ZCWPW2: variants seen among roughly 807,000 people sequenced by gnomAD.
ZCWPW2 encodes zinc finger CW-type PWWP domain protein 2.
Under a neutral mutation model 46.6 loss-of-function variants are expected in ZCWPW2, and 45 were observed. That is an observed-to-expected ratio of 0.96 (90% CI 0.76 to 1.24). The LOEUF (loss-of-function observed/expected upper bound fraction) is 1.24, where lower values mean the gene tolerates loss of function less well. Ranked by LOEUF, ZCWPW2 falls within the 50% of genes most tolerant of loss-of-function variation. ZCWPW2 has a pLI of 0.00. For missense variants in ZCWPW2, 429 were observed against 403.9 expected (o/e 1.06, Z -0.53); for synonymous variants, 152 against 137.1 (o/e 1.11, Z -0.76).
intron 3 of ZCWPW2, among the ~76,000 whole-genome samples, chr3:28,430,231 C>A (rs965462475): frequency 6.6e-6 from 1 of 152,194 alleles, no homozygotes; most frequent in Non-Finnish European, 1.5e-5. Flanking sequence ...GCTGTGGGAG[C>A]CCACCTCTTG....
chr3:28,422,413 C>A (rs1696828938), intron 3 of ZCWPW2, among the ~76,000 whole-genome samples: 2 of 152,176 alleles, frequency 1.3e-5, no homozygotes, highest in Non-Finnish European at 2.9e-5. Context: ...GACCATTTAT[C>A]TTTCTACCGT....
At chr3:28,400,580 A>G (rs1218470855) in intron 2 of ZCWPW2, among the ~76,000 whole-genome samples, 3 of 152,230 alleles carry the variant, frequency 2.0e-5, no homozygotes, top group Non-Finnish European at 4.4e-5. Context: ...TATCAGATTG[A>G]CAGGAGATTT....
At chr3:28,392,287 A>G (rs546226408) in intron 2 of ZCWPW2, among the ~76,000 whole-genome samples, 1 of 152,338 alleles carries the variant, frequency 6.6e-6, no homozygotes. Context: ...ATATATATGC[A>G]CCCAACATCA....
At chr3:28,393,854 CG>C (rs1266933095) in intron 2 of ZCWPW2, among the ~76,000 whole-genome samples, 1 of 152,028 alleles carries the variant, frequency 6.6e-6, no homozygotes, top group African/African-American at 2.4e-5. Context: ...AAAGGTCTAA[CG>C]TTTTTCTCTA....
At chr3:28,466,633 T>C (rs1453577050) in intron 4 of ZCWPW2, among the ~76,000 whole-genome samples, 4 of 152,038 alleles carry the variant, frequency 2.6e-5, no homozygotes, top group African/African-American at 9.7e-5. Context: ...ACCCTGTCTC[T>C]ATTAAAAATA....
chr3:28,467,888 A>G (rs1698886919), intron 4 of ZCWPW2, among the ~76,000 whole-genome samples: 2 of 152,098 alleles, frequency 1.3e-5, no homozygotes, highest in South Asian at 4.1e-4. Context: ...GACTACAATA[A>G]ATACCTAACT....
intron 8 of ZCWPW2, 94 bp downstream of exon 8, chr3:28,515,715 CTG>C (rs10539082): frequency 0.18 from 120,906 of 655,024 alleles, 5,474 homozygotes; most frequent in Middle Eastern, 0.26. Flanking sequence ...AAAAGATTTC[CTG>C]TGTGTGTGTG....
intron 6 of ZCWPW2, among the ~76,000 whole-genome samples, chr3:28,508,856 T>C (rs780841837): frequency 2.6e-5 from 4 of 152,192 alleles, no homozygotes; most frequent in Non-Finnish European, 5.9e-5. Context: ...CATTCCGTTT[T>C]TTAAATTACA....
chr3:28,371,197 A>G (rs1049002907), intron 1 of ZCWPW2, among the ~76,000 whole-genome samples: 2 of 152,202 alleles, frequency 1.3e-5, no homozygotes, highest in African/African-American at 4.8e-5. Flanking sequence ...GTTGATGCTT[A>G]TTGCTTGATT....
At chr3:28,434,543 G>A (rs1211202824) in intron 3 of ZCWPW2, among the ~76,000 whole-genome samples, 1 of 152,054 alleles carries the variant, frequency 6.6e-6, no homozygotes, top group Non-Finnish European at 1.5e-5. Context: ...TGGTCACCTG[G>A]CAATGCAGCA....
intron 3 of ZCWPW2, among the ~76,000 whole-genome samples, chr3:28,425,466 A>G (rs1696968748): frequency 6.6e-6 from 1 of 152,214 alleles, no homozygotes; most frequent in Admixed American, 6.5e-5. Flanking sequence ...TAGATGTTGA[A>G]GCTCCAAGTG....
chr3:28,519,420 T>G (rs1700660765), intron 8 of ZCWPW2, among the ~76,000 whole-genome samples: 1 of 152,200 alleles, frequency 6.6e-6, no homozygotes, highest in African/African-American at 2.4e-5. Flanking sequence ...AGAAAAATTA[T>G]TTTCAAGATG....
chr3:28,512,817 C>A (rs146175286), intron 6 of ZCWPW2, among the ~76,000 whole-genome samples: 1 of 151,796 alleles, frequency 6.6e-6, no homozygotes, highest in Non-Finnish European at 1.5e-5. Context: ...TTTCATGGCT[C>A]ATAGATATCA....
At chr3:28,489,748 A>T (rs1400590156) in intron 5 of ZCWPW2, among the ~76,000 whole-genome samples, 1 of 151,504 alleles carries the variant, frequency 6.6e-6, no homozygotes, top group Non-Finnish European at 1.5e-5. Flanking sequence ...TTTGTTGATT[A>T]TCTGTTATCT....
chr3:28,433,327 T>G (rs568693242), intron 3 of ZCWPW2, among the ~76,000 whole-genome samples: 1 of 152,344 alleles, frequency 6.6e-6, no homozygotes, highest in East Asian at 1.9e-4. Flanking sequence ...CTGATCCCGC[T>G]TCTGAGCCAT....
chr3:28,360,930 G>A (rs1228598553), intron 1 of ZCWPW2, among the ~76,000 whole-genome samples: 1 of 152,032 alleles, frequency 6.6e-6, no homozygotes, highest in Middle Eastern at 3.2e-3. Flanking sequence ...AGAATAAAGG[G>A]CCCAGGAAAG....
At chr3:28,391,063 A>G (rs1309850053) in intron 2 of ZCWPW2, among the ~76,000 whole-genome samples, 3 of 152,206 alleles carry the variant, frequency 2.0e-5, no homozygotes, top group Non-Finnish European at 4.4e-5. Flanking sequence ...GATTGACAAG[A>G]AGCACAACTT....
intron 1 of ZCWPW2, among the ~76,000 whole-genome samples, chr3:28,376,736 C>T (rs1705511123): frequency 6.6e-6 from 1 of 152,072 alleles, no homozygotes; most frequent in Admixed American, 6.6e-5. Context: ...ATTCCTTGTA[C>T]TCCACCATTT....
intron 3 of ZCWPW2, among the ~76,000 whole-genome samples, chr3:28,416,787 T>C (rs1303785418): frequency 1.0e-5 from 1 of 96,124 alleles, no homozygotes; most frequent in Non-Finnish European, 2.1e-5. Context: ...GTGGTTTCTG[T>C]CTTTGGTTCT....
Sources: allele counts gnomAD v4.1 joint callset (sites outside exome capture counted in the v4.1 genomes callset), GRCh38; gene constraint gnomAD v4.1.1; transcripts MANE v1.5; gene names NCBI Gene and HGNC (gene_info 2026-07-23, HGNC 2026-07-21).